Variants in HEXB observed in about 807,000 individuals in gnomAD.
HEXB encodes the protein hexosaminidase subunit beta.
Under a neutral mutation model 71.2 loss-of-function variants are expected in HEXB, and 51 were observed. That is an observed-to-expected ratio of 0.72 (90% CI 0.57 to 0.90). The LOEUF (loss-of-function observed/expected upper bound fraction) is 0.90, where lower values mean the gene tolerates loss of function less well. HEXB is among the 40% of genes least tolerant of loss of function. The pLI is 0.00. For synonymous variants in HEXB, 266 were observed against 249.3 expected, an observed-to-expected ratio of 1.07 and a Z score of -0.63; for missense variants, 617 against 677.0, an observed-to-expected ratio of 0.91 and a Z score of 0.98.
chr5:74,659,670 G>A (rs1748283348), intron 1 of HEXB, among the ~76,000 whole-genome samples: 2 of 152,120 alleles, frequency 1.3e-5, no homozygotes, highest in South Asian at 4.1e-4. Context: ...GCTCATTCCT[G>A]CTCTGGGAAA....
chr5:74,708,769 C>T (rs1351867988), intron 6 of HEXB, among the ~76,000 whole-genome samples: 1 of 150,958 alleles, frequency 6.6e-6, no homozygotes, highest in Non-Finnish European at 1.5e-5. Flanking sequence ...GCACCCAATA[C>T]AGGAGCACCC....
intron 5 of HEXB, among the ~76,000 whole-genome samples, chr5:74,704,971 A>G (rs1194075040): frequency 2.0e-5 from 3 of 151,908 alleles, no homozygotes; most frequent in East Asian, 1.9e-4. Flanking sequence ...GGGCGCCTGT[A>G]GTCCCAGCTA....
At chr5:74,716,719 A>G in intron 9 of HEXB, 46 bp downstream of exon 9, 2 of 1,180,378 alleles carry the variant, frequency 1.7e-6, no homozygotes, top group East Asian at 4.7e-5. Flanking sequence ...TTTTTGTAAA[A>G]GTTTATTTAG....
intron 1 of HEXB, among the ~76,000 whole-genome samples, chr5:74,677,490 C>CTTTTTTTTTTTTTTTTTTTTTT (rs566302720): frequency 5.2e-5 from 4 of 77,276 alleles, no homozygotes; most frequent in Non-Finnish European, 5.5e-5. Flanking sequence ...TCTTCTTCTT[C>CTTTTTTTTTTTTTTTTTTTTTT]TTTTTTTTTT....
At chr5:74,680,432 A>C (rs1402377732), upstream of HEXB, among the ~76,000 whole-genome samples, 3 of 152,198 alleles carry the variant, frequency 2.0e-5, no homozygotes, top group Non-Finnish European at 4.4e-5. Flanking sequence ...CTTCACACTA[A>C]GAGGAACTGT....
At chr5:74,696,661 T>C in intron 3 of HEXB, 32 bp from the exon 4 acceptor site, 1 of 1,144,424 alleles carries the variant, frequency 8.7e-7, no homozygotes, top group Non-Finnish European at 1.3e-6. Flanking sequence ...TGTTGATTTA[T>C]AAATTAATGC....
chr5:74,696,044 A>G (rs1749106665), intron 3 of HEXB, among the ~76,000 whole-genome samples: 1 of 152,134 alleles, frequency 6.6e-6, no homozygotes, highest in Non-Finnish European at 1.5e-5. Flanking sequence ...GGTTGGAGAG[A>G]CAGGAAGGCG....
At chr5:74,677,820 A>T (rs1464011682) in intron 1 of HEXB, among the ~76,000 whole-genome samples, 2 of 152,108 alleles carry the variant, frequency 1.3e-5, no homozygotes, top group Non-Finnish European at 2.9e-5. Context: ...GTAGTGCACA[A>T]TGTACCTAAT....
chr5:74,690,957 G>C (rs1329581284), intron 2 of HEXB, among the ~76,000 whole-genome samples: 1 of 152,196 alleles, frequency 6.6e-6, no homozygotes, highest in Non-Finnish European at 1.5e-5. Flanking sequence ...CCTGAATTGA[G>C]ATGGAAATGG....
In HEXB at chr5:74,696,758, T is replaced by C. The variant is rs765141658; in HGVS notation, c.558+19T>C. 6.2e-6 allele frequency: 8 copies of C among 1,286,952 alleles called. No homozygotes were observed. Among genetic ancestry groups the C allele is most frequent in the African/African-American group, 1.5e-5 (1 of 68,554 alleles). 79.7% of individuals were successfully genotyped at this position (1,286,952 alleles called of 1,614,324 possible). A position where few individuals can be genotyped will look rare whatever the true frequency, so the allele number is the denominator to read the frequency against. On this transcript the variant is annotated intron_variant, in intron 4 of 13. Transcript: ENST00000261416. ...TGGAACTGTAAGTATGATTATTATA[T>C]GTTACTAAAAATTGTTAGACAAATT...
At chr5:74,686,980 C>T (rs998038239) in intron 1 of HEXB, among the ~76,000 whole-genome samples, 9 of 152,152 alleles carry the variant, frequency 5.9e-5, no homozygotes, top group African/African-American at 1.7e-4. Context: ...GACAAGAAAG[C>T]ATGGGTGATG....
upstream of HEXB, among the ~76,000 whole-genome samples, chr5:74,684,013 G>C (rs941694144): frequency 1.3e-5 from 2 of 151,862 alleles, no homozygotes; most frequent in Non-Finnish European, 2.9e-5. Flanking sequence ...TAGAGACGGG[G>C]TTTCACTTTG....
intron 1 of HEXB, among the ~76,000 whole-genome samples, chr5:74,643,828 C>T (rs1383229794): frequency 1.3e-5 from 2 of 152,208 alleles, no homozygotes; most frequent in Non-Finnish European, 2.9e-5. Context: ...GCCATCCTGC[C>T]TCCGGTGGTC....
chr5:74,643,124 T>G (rs1175216631), intron 1 of HEXB, among the ~76,000 whole-genome samples: 1 of 152,238 alleles, frequency 6.6e-6, no homozygotes, highest in African/African-American at 2.4e-5. Flanking sequence ...GTGCTACTGA[T>G]GACCTCCTAC....
Position 74,721,193 on chromosome 5 carries a change from G to A in HEXB, c.*18G>A. 6.3e-7 allele frequency: 1 copy of A among 1,594,706 alleles called. No individual in the cohort carries two copies. Among genetic ancestry groups the A allele is most frequent in the South Asian group, 1.1e-5 (1 of 90,670 alleles). On this transcript the variant is annotated 3_prime_UTR_variant, in exon 14 of 14. Coordinates refer to ENST00000261416, the MANE Select transcript of HEXB (RefSeq NM_000521.4). ...ACATGTAAAAAATGGAGGGGAAAAA[G>A]GCCACAGCAATCTGTACTACAATCA...
intron 1 of HEXB, among the ~76,000 whole-genome samples, chr5:74,671,726 T>C (rs1336647529): frequency 6.6e-6 from 1 of 152,198 alleles, no homozygotes; most frequent in Admixed American, 6.5e-5. Flanking sequence ...ATAAATTTTA[T>C]CTTATACTTG....
chr5:74,656,851 A>T (rs1030724439), intron 1 of HEXB, among the ~76,000 whole-genome samples: 31 of 152,138 alleles, frequency 2.0e-4, no homozygotes, highest in African/African-American at 7.5e-4. Flanking sequence ...GCCTCAGGTG[A>T]TCCACCCGCC....
chr5:74,642,838 C>T (rs937269855), intron 1 of HEXB, among the ~76,000 whole-genome samples: 8 of 152,164 alleles, frequency 5.3e-5, no homozygotes, highest in Non-Finnish European at 2.9e-5. Flanking sequence ...GGAAAGAAAT[C>T]CGCTGGCCAT....
At chr5:74,648,162 C>T (rs959440293) in intron 1 of HEXB, among the ~76,000 whole-genome samples, 6 of 152,156 alleles carry the variant, frequency 3.9e-5, no homozygotes, top group African/African-American at 1.4e-4. Context: ...TGCAGGGATA[C>T]TTGAGGATTA....
Sources: allele counts gnomAD v4.1 joint callset (sites outside exome capture counted in the v4.1 genomes callset), GRCh38; gene constraint gnomAD v4.1.1; transcripts MANE v1.5; gene names NCBI Gene and HGNC (gene_info 2026-07-23, HGNC 2026-07-21).